PEPD: variants seen among roughly 807,000 people sequenced by gnomAD.
PEPD encodes xaa-Pro dipeptidase.
Under a neutral mutation model 60.7 loss-of-function variants are expected in PEPD, and 53 were observed. That is an observed-to-expected ratio of 0.87 (90% CI 0.70 to 1.10). The LOEUF is 1.10. PEPD is among the 50% of genes least tolerant of loss of function. The pLI is 0.00. For synonymous variants in PEPD, 267 were observed against 284.1 expected, an observed-to-expected ratio of 0.94 and a Z score of 0.60; for missense variants, 711 against 711.9, an observed-to-expected ratio of 1.00 and a Z score of 0.01.
chr19:33,399,744 G>A (rs955885701), intron 12 of PEPD, among the ~76,000 whole-genome samples: 31 of 152,212 alleles, frequency 2.0e-4, no homozygotes, highest in Non-Finnish European at 3.4e-4. Context: ...TTCTGAGGCC[G>A]CATTCTGGAG....
chr19:33,400,379 C>T (rs928144205), intron 12 of PEPD, among the ~76,000 whole-genome samples: 4 of 152,262 alleles, frequency 2.6e-5, no homozygotes, highest in African/African-American at 9.6e-5. Flanking sequence ...GGCCCCAGCC[C>T]AGACCTGATT....
intron 9 of PEPD, among the ~76,000 whole-genome samples, chr19:33,414,700 T>C (rs1968852021): frequency 6.6e-6 from 1 of 151,114 alleles, no homozygotes; most frequent in African/African-American, 2.4e-5. Flanking sequence ...ACGAGGGAGT[T>C]TCATCTTCTA....
chr19:33,429,008 A>G (rs1175523846), intron 9 of PEPD, among the ~76,000 whole-genome samples: 1 of 152,216 alleles, frequency 6.6e-6, no homozygotes, highest in Non-Finnish European at 1.5e-5. Context: ...TTCTGGGCAC[A>G]TATCTTAGCC....
At chr19:33,456,708 A>G (rs1484884283) in intron 9 of PEPD, among the ~76,000 whole-genome samples, 3 of 152,032 alleles carry the variant, frequency 2.0e-5, no homozygotes, top group Non-Finnish European at 4.4e-5. Flanking sequence ...CATCACATCC[A>G]TTCTTACCTG....
At chr19:33,426,191 G>A (rs1969144166) in intron 9 of PEPD, among the ~76,000 whole-genome samples, 1 of 152,078 alleles carries the variant, frequency 6.6e-6, no homozygotes, top group Admixed American at 6.5e-5. Context: ...TCCAGCCTGG[G>A]CAACAGTGGG....
Position 33,401,827 on chromosome 19 carries a change from G to A in PEPD, c.861C>T (p.Asp287=), listed in dbSNP as rs764126413. The change falls in exon 12 of 15, where the codon GAC becomes GAT. Residue 287 remains aspartate (D), a synonymous_variant. Transcript: ENST00000244137. The part of the protein sequence containing the change: ...MGGEYYCFAS[D]ITCSFPANGK... ...CGTTGGCGGGAAAGGAGCAGGTGAT[G>A]TCGGAAGCGAAGCAGTAATACTCAC... The A allele has an allele frequency of 1.5e-5, 25 of 1,613,270 alleles. 1 individual carries two copies. In the South Asian group the frequency reaches 2.0e-4, roughly 13 times the overall value.
intron 7 of PEPD, 110 bp from the exon 8 acceptor site, chr19:33,464,172 G>A (rs1230507724): frequency 3.8e-5 from 30 of 793,276 alleles, no homozygotes; most frequent in Non-Finnish European, 5.0e-5. Context: ...CCCAGAAGGC[G>A]TGTTGTGCAA....
chr19:33,506,920 G>GC (rs912808194), intron 3 of PEPD, among the ~76,000 whole-genome samples: 30 of 120,862 alleles, frequency 2.5e-4, no homozygotes, highest in South Asian at 7.9e-4. Context: ...CACAGCACAT[G>GC]CCCCCCCCAC....
At chr19:33,491,537 A>G (rs748490000) in intron 5 of PEPD, among the ~76,000 whole-genome samples, 18 of 152,222 alleles carry the variant, frequency 1.2e-4, no homozygotes, top group Non-Finnish European at 1.5e-4. Context: ...CTTCCTGCAG[A>G]AAGGGTACAC....
chr19:33,483,570 G>A (rs138217576), intron 6 of PEPD, among the ~76,000 whole-genome samples: 2,799 of 152,282 alleles, frequency 0.018, 36 homozygotes, highest in Non-Finnish European at 0.028. Flanking sequence ...AACAGTTTGG[G>A]AGGCCAAGGC....
chr19:33,387,307 G>GC lies in PEPD; in HGVS notation c.*36dup. The GC allele has an allele frequency of 6.2e-7, 1 of 1,612,036 alleles. No homozygotes were observed. Among genetic ancestry groups the GC allele is most frequent in the South Asian group, 1.1e-5 (1 of 91,060 alleles). ...GCCCATCACGAAAAGAGGTTGCAAG[G>GC]CCAGGCCCCCAGGTGCGCTGGGATT... On this transcript the variant is annotated 3_prime_UTR_variant, in exon 15 of 15. Coordinates refer to ENST00000244137, the MANE Select transcript of PEPD (RefSeq NM_000285.4).
At chr19:33,491,278 C>T (rs897029171) in intron 5 of PEPD, among the ~76,000 whole-genome samples, 2 of 151,924 alleles carry the variant, frequency 1.3e-5, no homozygotes, top group African/African-American at 2.4e-5. Context: ...GGCGAAACCC[C>T]GTCTCTAACA....
intron 3 of PEPD, among the ~76,000 whole-genome samples, chr19:33,510,406 A>G (rs536639544): frequency 1.2e-4 from 18 of 152,332 alleles, no homozygotes; most frequent in African/African-American, 3.6e-4. Context: ...TGCAGTGGAC[A>G]CCAGCCAAGT....
chr19:33,393,080 C>A (rs1016426496), intron 12 of PEPD, among the ~76,000 whole-genome samples: 1 of 151,904 alleles, frequency 6.6e-6, no homozygotes, highest in African/African-American at 2.4e-5. Flanking sequence ...TGCCCCCACC[C>A]CCCACACAGA....
chr19:33,436,682 C>T (rs1412533488), intron 9 of PEPD, among the ~76,000 whole-genome samples: 2 of 152,254 alleles, frequency 1.3e-5, no homozygotes, highest in Admixed American at 1.3e-4. Flanking sequence ...CTAAAGCAAT[C>T]ACCTCATGGG....
chr19:33,488,305 T>TCTC (rs1263652648), intron 6 of PEPD, among the ~76,000 whole-genome samples: 2 of 151,930 alleles, frequency 1.3e-5, no homozygotes, highest in African/African-American at 4.8e-5. Flanking sequence ...GTGAGCATGA[T>TCTC]CTCCTCCAGT....
chr19:33,486,099 T>C (rs1304600623), intron 6 of PEPD, among the ~76,000 whole-genome samples: 1 of 152,020 alleles, frequency 6.6e-6, no homozygotes, highest in Non-Finnish European at 1.5e-5. Context: ...AACGTCTACC[T>C]CCTTAGATGT....
chr19:33,520,926 C>T (rs1287518004), intron 1 of PEPD, among the ~76,000 whole-genome samples: 2 of 152,220 alleles, frequency 1.3e-5, no homozygotes, highest in African/African-American at 2.4e-5. Flanking sequence ...TCTGAAGCCG[C>T]CACCTGGAAC....
chr19:33,460,726 A>T (rs1223579747), intron 9 of PEPD, among the ~76,000 whole-genome samples: 2 of 152,176 alleles, frequency 1.3e-5, no homozygotes, highest in African/African-American at 4.8e-5. Context: ...CAGCAGGTAC[A>T]CACGCTGACC....
Sources: gnomAD v4.1 joint callset for allele counts (sites outside exome capture counted in the v4.1 genomes callset) on GRCh38, gnomAD v4.1.1 for gene constraint, MANE v1.5 for transcripts, NCBI Gene and HGNC (gene_info 2026-07-23, HGNC 2026-07-21) for gene names.